Variants in MAGI1 observed in about 807,000 individuals in gnomAD.
MAGI1 encodes the protein membrane-associated guanylate kinase, WW and PDZ domain-containing protein 1.
A neutral mutation model predicts 139.9 loss-of-function variants in MAGI1; 58 were observed. The observed-to-expected ratio is 0.41, with a 90% CI of 0.34 to 0.52. MAGI1 has a LOEUF of 0.52. Among genes scored for constraint, MAGI1 ranks in the 20% least tolerant of loss-of-function variants. The probability of loss-of-function intolerance (pLI) is 0.12; values close to 1 mark genes in which losing one functional copy is unlikely to be tolerated. For missense variants in MAGI1, 1,874 were observed against 1,901.6 expected (o/e 0.99, Z 0.27); for synonymous variants, 812 against 737.9 (o/e 1.10, Z -1.63).
intron 1 of MAGI1, among the ~76,000 whole-genome samples, chr3:65,701,400 G>A (rs1382582423): frequency 6.6e-6 from 1 of 152,056 alleles, no homozygotes; most frequent in Non-Finnish European, 1.5e-5. Flanking sequence ...TTACAAGCAT[G>A]CACCACCACA....
chr3:65,370,658 A>G (rs1009826610), intron 18 of MAGI1, among the ~76,000 whole-genome samples: 1 of 151,996 alleles, frequency 6.6e-6, no homozygotes, highest in African/African-American at 2.4e-5. Context: ...GTTTGTTCTG[A>G]GACATGGTCT....
At chr3:65,529,811 CAT>C (rs1236143938) in intron 2 of MAGI1, among the ~76,000 whole-genome samples, 2 of 147,814 alleles carry the variant, frequency 1.4e-5, no homozygotes, top group Non-Finnish European at 2.9e-5. Flanking sequence ...TGTATATACA[CAT>C]ATAATATATA....
chr3:65,364,346 C>T (rs937592158), intron 20 of MAGI1, among the ~76,000 whole-genome samples: 1 of 152,040 alleles, frequency 6.6e-6, no homozygotes, highest in African/African-American at 2.4e-5. Flanking sequence ...ATCACAAAGA[C>T]ATTTTCTTGG....
At chr3:65,360,681 A>G in intron 22 of MAGI1, 1 of 987,144 alleles carries the variant, frequency 1.0e-6, no homozygotes, top group Non-Finnish European at 1.2e-6. Flanking sequence ...GTAAGACACC[A>G]GTTGGGGGAT....
Position 65,370,845 on chromosome 3 carries a change from C to T in MAGI1, c.3196+4900G>A, listed in dbSNP as rs9851233. ...AATTGTTTTGAATTTTTAGCAGAGA[C>T]GACGTCTCGCTATGTTGCCCAGGCT... is the stretch of plus-strand genomic sequence containing the variant. On this transcript the variant is annotated intron_variant, in intron 18 of 22. Transcript: ENST00000402939. Among the ~76,000 whole-genome samples, 233 of 152,298 alleles carry T rather than the reference C, an allele frequency of 1.5e-3. 1 individual carries two copies. Among genetic ancestry groups the T allele is most frequent in the African/African-American group, 5.4e-3 (224 of 41,572 alleles).
chr3:65,773,047 T>G (rs1314271839), intron 1 of MAGI1, among the ~76,000 whole-genome samples: 1 of 152,070 alleles, frequency 6.6e-6, no homozygotes, highest in Non-Finnish European at 1.5e-5. Context: ...CCTCATCTGG[T>G]AAATGGCAAA....
At position 66,014,051 on chromosome 3, in the gene MAGI1, A is replaced by T. The variant is rs143798660; in HGVS notation, c.313+23945T>A. Among the ~76,000 whole-genome samples, 734 of 152,324 alleles carry T rather than the reference A, an allele frequency of 4.8e-3. 7 individuals carry two copies. Among genetic ancestry groups the T allele is most frequent in the African/African-American group, 0.017 (692 of 41,570 alleles). ...CATAAAAATAATACCTGCTTGCTGTAAACTACACCAACGAGTCACCTATGT... is the reference window on the plus strand; with the variant it reads ...CATAAAAATAATACCTGCTTGCTGTTAACTACACCAACGAGTCACCTATGT... On this transcript the variant is annotated intron_variant, in intron 1 of 22. Coordinates refer to ENST00000402939, the MANE Select transcript of MAGI1 (RefSeq NM_001033057.2).
At chr3:65,990,617 A>G (rs2066121421) in intron 1 of MAGI1, among the ~76,000 whole-genome samples, 2 of 152,192 alleles carry the variant, frequency 1.3e-5, no homozygotes, top group African/African-American at 4.8e-5. Context: ...AACCCAGTAT[A>G]ACGTAACATT....
intron 1 of MAGI1, among the ~76,000 whole-genome samples, chr3:65,864,972 C>A (rs1575757011): frequency 6.6e-6 from 1 of 152,052 alleles, no homozygotes; most frequent in African/African-American, 2.4e-5. Flanking sequence ...GATATACACA[C>A]CTGTAATTAT....
intron 1 of MAGI1, chr3:65,718,729 A>T (rs1391905558): frequency 2.0e-5 from 3 of 152,100 alleles, no homozygotes; most frequent in African/African-American, 7.2e-5. Context: ...CAACATAAAA[A>T]CGGAGATGAA....
chr3:65,867,033 T>C (rs1175056670), intron 1 of MAGI1, among the ~76,000 whole-genome samples: 4 of 152,188 alleles, frequency 2.6e-5, no homozygotes, highest in Admixed American at 2.6e-4. Flanking sequence ...CTCTCTATTT[T>C]TCAAGGGTCC....
At chr3:65,722,971 TAA>T (rs151181033) in intron 1 of MAGI1, among the ~76,000 whole-genome samples, 43 of 134,932 alleles carry the variant, frequency 3.2e-4, no homozygotes, top group Non-Finnish European at 3.2e-4. Context: ...TCTGTTGTAG[TAA>T]AAAAAAAAAA....
chr3:65,473,058 T>C (rs543644244), intron 4 of MAGI1, among the ~76,000 whole-genome samples: 1 of 152,238 alleles, frequency 6.6e-6, no homozygotes, highest in Admixed American at 6.5e-5. Flanking sequence ...CAATCTCTAC[T>C]TCACGGGGTT....
intron 1 of MAGI1, among the ~76,000 whole-genome samples, chr3:65,702,012 G>T (rs1220311989): frequency 6.6e-6 from 1 of 151,080 alleles, no homozygotes; most frequent in African/African-American, 2.4e-5. Flanking sequence ...TATTTTTTTT[G>T]CTCTCCCTAG....
intron 2 of MAGI1, among the ~76,000 whole-genome samples, chr3:65,506,989 T>G (rs911380253): frequency 3.3e-5 from 5 of 152,198 alleles, no homozygotes; most frequent in Non-Finnish European, 5.9e-5. Context: ...GTCACGAACA[T>G]GTAAATTTTA....
At chr3:65,637,487 A>G (rs2084693950) in intron 1 of MAGI1, among the ~76,000 whole-genome samples, 1 of 151,676 alleles carries the variant, frequency 6.6e-6, no homozygotes, top group African/African-American at 2.4e-5. Context: ...CTGGGAAATC[A>G]AGGCTGCAGT....
chr3:65,807,292 A>C (rs56103711), intron 1 of MAGI1, among the ~76,000 whole-genome samples: 41,791 of 151,994 alleles, frequency 0.27, 6,033 homozygotes, highest in East Asian at 0.4. Context: ...TCTGGCAAGG[A>C]CTTCATCTCT....
intron 12 of MAGI1, among the ~76,000 whole-genome samples, chr3:65,412,689 T>G (rs1434367158): frequency 6.6e-6 from 1 of 152,152 alleles, no homozygotes; most frequent in African/African-American, 2.4e-5. Context: ...TGGCCTTTCT[T>G]TTTATAGCCA....
At chr3:65,664,726 T>C (rs1314748959) in intron 1 of MAGI1, among the ~76,000 whole-genome samples, 2 of 152,208 alleles carry the variant, frequency 1.3e-5, no homozygotes, top group Non-Finnish European at 2.9e-5. Flanking sequence ...AGTTGCCCAA[T>C]GAGTATGTTT....
Sources: gnomAD v4.1 joint callset for allele counts (sites outside exome capture counted in the v4.1 genomes callset) on GRCh38, gnomAD v4.1.1 for gene constraint, MANE v1.5 for transcripts, NCBI Gene and HGNC (gene_info 2026-07-23, HGNC 2026-07-21) for gene names.